Variants in ROBO1 observed in about 807,000 individuals in gnomAD.
ROBO1 encodes roundabout guidance receptor 1, also known as roundabout homolog 1.
In ROBO1, 149 loss-of-function variants were observed where a neutral mutation model predicts 195.9. That is an observed-to-expected ratio of 0.76 (90% confidence interval 0.67 to 0.87). The LOEUF (loss-of-function observed/expected upper bound fraction) is 0.87, where lower values mean the gene tolerates loss of function less well. Ranked by LOEUF, ROBO1 falls within the 40% of genes least tolerant of loss-of-function variation. The probability of loss-of-function intolerance (pLI) is 0.00; values close to 1 mark genes in which losing one functional copy is unlikely to be tolerated. For synonymous variants in ROBO1, 816 were observed against 733.2 expected, an observed-to-expected ratio of 1.11 and a Z score of -1.82; for missense variants, 1,933 against 2,068.3, an observed-to-expected ratio of 0.93 and a Z score of 1.27.
chr3:78,853,686 G>GT (rs1420386651), intron 4 of ROBO1, among the ~76,000 whole-genome samples: 1 of 151,978 alleles, frequency 6.6e-6, no homozygotes, highest in African/African-American at 2.4e-5. Flanking sequence ...GTTGAACGCT[G>GT]TATTAGTCCA....
intron 3 of ROBO1, among the ~76,000 whole-genome samples, chr3:79,034,633 A>C (rs1046147498): frequency 3.9e-5 from 6 of 152,170 alleles, no homozygotes; most frequent in Non-Finnish European, 8.8e-5. Flanking sequence ...ATAACAAAGA[A>C]CTTAACAATG....
intron 7 of ROBO1, among the ~76,000 whole-genome samples, chr3:78,715,463 A>C (rs1241330912): frequency 1.3e-5 from 2 of 152,152 alleles, no homozygotes; most frequent in East Asian, 3.9e-4. Context: ...AACCACAAAA[A>C]TCGTGTCCCT....
intron 2 of ROBO1, among the ~76,000 whole-genome samples, chr3:79,495,333 A>G (rs898850273): frequency 6.6e-6 from 1 of 152,200 alleles, no homozygotes; most frequent in African/African-American, 2.4e-5. Flanking sequence ...AATTGGCTTC[A>G]AAGTATAAAA....
chr3:78,924,985 T>G (rs116601430), intron 4 of ROBO1, among the ~76,000 whole-genome samples: 2,784 of 152,084 alleles, frequency 0.018, 69 homozygotes, highest in African/African-American at 0.063. Flanking sequence ...TTTTTTTAAT[T>G]TAATATTTTA....
intron 3 of ROBO1, among the ~76,000 whole-genome samples, chr3:79,090,585 G>C (rs1249328956): frequency 1.3e-5 from 2 of 151,688 alleles, no homozygotes; most frequent in Non-Finnish European, 2.9e-5. Flanking sequence ...TTAAAAGTTT[G>C]GGCTTTGGAT....
chr3:79,307,275 A>G (rs1367964722), intron 2 of ROBO1, among the ~76,000 whole-genome samples: 1 of 151,968 alleles, frequency 6.6e-6, no homozygotes, highest in Non-Finnish European at 1.5e-5. Flanking sequence ...AACTATAGAC[A>G]TTATCCATTT....
chr3:79,453,511 G>A (rs1005992918), intron 2 of ROBO1, among the ~76,000 whole-genome samples: 3 of 151,988 alleles, frequency 2.0e-5, no homozygotes, highest in African/African-American at 7.2e-5. Context: ...GCATTTTCAC[G>A]AAGCCTCACT....
intron 2 of ROBO1, among the ~76,000 whole-genome samples, chr3:79,463,304 G>C (rs562521612): frequency 6.6e-6 from 1 of 151,754 alleles, no homozygotes; most frequent in Non-Finnish European, 1.5e-5. Flanking sequence ...GAACCCAGGA[G>C]TCAGAGCTTG....
intron 4 of ROBO1, among the ~76,000 whole-genome samples, chr3:78,814,346 T>C (rs1265500683): frequency 2.6e-5 from 4 of 152,104 alleles, no homozygotes; most frequent in African/African-American, 9.6e-5. Flanking sequence ...ATATTCAATA[T>C]GTAATCAATA....
Position 78,668,053 on chromosome 3 carries a change from A to C in ROBO1, c.1800-4T>G. On this transcript the variant is annotated splice_polypyrimidine_tract_variant and splice_region_variant and intron_variant, in intron 13 of 30. Transcript: ENST00000464233. ...CCAGCTGCTACCAGATGCATGGCTA[A>C]GGATAGACACACAGGTTAGAACATG... 1 of 1,613,476 alleles carries C rather than the reference A, an allele frequency of 6.2e-7. No individual in the cohort carries two copies. Among genetic ancestry groups the C allele is most frequent in the Non-Finnish European group, 8.5e-7 (1 of 1,179,596 alleles).
chr3:79,700,317 T>G lies in ROBO1; in HGVS notation c.-51+67435A>C, dbSNP rs28828374. Among the ~76,000 whole-genome samples the G allele has an allele frequency of 7.0e-4, 101 of 144,244 alleles. 1 individual carries two copies. In the South Asian group the frequency reaches 7.3e-3, roughly 10 times the overall value. 94.6% of individuals were successfully genotyped at this position (144,244 alleles called of 152,430 possible). On this transcript the variant is annotated intron_variant, in intron 1 of 30. Coordinates refer to ENST00000464233, the MANE Select transcript of ROBO1 (RefSeq NM_002941.4). The stretch of plus-strand genomic sequence containing the variant: ...TGTGTGTGTGTTTGTGTGTGTGTGT[T>G]TGTGTGTGTGTGTGTGTGTGTGTGT...
chr3:79,138,408 C>T (rs2080458130), intron 2 of ROBO1, among the ~76,000 whole-genome samples: 1 of 151,996 alleles, frequency 6.6e-6, no homozygotes, highest in African/African-American at 2.4e-5. Context: ...CTTATTTGGA[C>T]ATGAATGTTC....
At chr3:78,960,803 C>A (rs1003317216) in intron 3 of ROBO1, among the ~76,000 whole-genome samples, 2 of 150,930 alleles carry the variant, frequency 1.3e-5, no homozygotes, top group Non-Finnish European at 3.0e-5. Flanking sequence ...CACACACACA[C>A]ACACACACAC....
At chr3:78,943,018 T>C (rs1483918017) in intron 3 of ROBO1, among the ~76,000 whole-genome samples, 2 of 151,850 alleles carry the variant, frequency 1.3e-5, no homozygotes, top group African/African-American at 4.8e-5. Context: ...ATGGAGACCA[T>C]CCTGGTTAAC....
intron 2 of ROBO1, among the ~76,000 whole-genome samples, chr3:79,337,867 C>T (rs2034740919): frequency 6.6e-6 from 1 of 151,934 alleles, no homozygotes; most frequent in Non-Finnish European, 1.5e-5. Context: ...ATTTTAAAGC[C>T]TTAAGTATAA....
At chr3:78,700,813 G>T (rs1372126841) in intron 8 of ROBO1, among the ~76,000 whole-genome samples, 1 of 150,838 alleles carries the variant, frequency 6.6e-6, no homozygotes, top group Non-Finnish European at 1.5e-5. Context: ...TCCCAGGCTG[G>T]AGTGCAGTGT....
At chr3:79,582,382 T>A (rs9860656) in intron 2 of ROBO1, among the ~76,000 whole-genome samples, 23,160 of 151,540 alleles carry the variant, frequency 0.15, 2,488 homozygotes, top group African/African-American at 0.3. Flanking sequence ...TCCAGAAGTT[T>A]TTTTCTATAT....
chr3:79,727,212 C>A (rs1702959970), intron 1 of ROBO1, among the ~76,000 whole-genome samples: 1 of 152,088 alleles, frequency 6.6e-6, no homozygotes, highest in Non-Finnish European at 1.5e-5. Context: ...TAATTGAAGT[C>A]AATAAACAAA....
chr3:79,747,396 T>C (rs953627909), intron 1 of ROBO1, among the ~76,000 whole-genome samples: 5 of 152,088 alleles, frequency 3.3e-5, no homozygotes, highest in Non-Finnish European at 7.4e-5. Context: ...TTAATGAGCT[T>C]GGATAAATTA....
Sources: allele counts gnomAD v4.1 joint callset (sites outside exome capture counted in the v4.1 genomes callset), GRCh38; gene constraint gnomAD v4.1.1; transcripts MANE v1.5; gene names NCBI Gene and HGNC (gene_info 2026-07-23, HGNC 2026-07-21).